The following PDZRN3 variants were observed in gnomAD, a reference collection of about 807,000 sequenced individuals.
The protein encoded by PDZRN3 is E3 ubiquitin-protein ligase PDZRN3.
A neutral mutation model predicts 85.7 loss-of-function variants in PDZRN3; 38 were observed. The ratio of observed to expected loss-of-function variants is 0.44; its 90% CI spans 0.34 to 0.58. The LOEUF is 0.58. PDZRN3 is among the 20% of genes least tolerant of loss of function. The pLI is 0.01. For missense variants in PDZRN3, 1,629 were observed against 1,506.4 expected (o/e 1.08, Z -1.35); for synonymous variants, 759 against 638.0 (o/e 1.19, Z -2.86).
intron 3 of PDZRN3, among the ~76,000 whole-genome samples, chr3:73,522,525 C>G (rs1304775539): frequency 1.3e-5 from 2 of 152,132 alleles, no homozygotes; most frequent in African/African-American, 4.8e-5. Context: ...GTAAAAGGGG[C>G]ACAATGGTAA....
chr3:73,558,410 A>G (rs927503009), intron 3 of PDZRN3, among the ~76,000 whole-genome samples: 47 of 152,174 alleles, frequency 3.1e-4, no homozygotes, highest in African/African-American at 1.1e-3. Context: ...ATCATTAACA[A>G]CTCTCCACAG....
intron 1 of PDZRN3, among the ~76,000 whole-genome samples, chr3:73,619,899 T>C (rs1054334318): frequency 2.6e-5 from 4 of 152,046 alleles, no homozygotes; most frequent in Non-Finnish European, 5.9e-5. Context: ...GAGGAAAGAG[T>C]TATGGTCCAG....
At chr3:73,467,748 C>T (rs1321074715) in intron 3 of PDZRN3, among the ~76,000 whole-genome samples, 1 of 152,152 alleles carries the variant, frequency 6.6e-6, no homozygotes, top group Admixed American at 6.5e-5. Flanking sequence ...TGGCTATTCC[C>T]TCTATTTATG....
chr3:73,605,712 T>C (rs975279787), intron 2 of PDZRN3, among the ~76,000 whole-genome samples: 6 of 152,210 alleles, frequency 3.9e-5, no homozygotes, highest in Non-Finnish European at 5.9e-5. Flanking sequence ...CCTGCCAGAT[T>C]TTCCAGGCAA....
intron 3 of PDZRN3, among the ~76,000 whole-genome samples, chr3:73,447,259 G>A (rs1425383682): frequency 1.3e-5 from 2 of 151,796 alleles, no homozygotes; most frequent in African/African-American, 2.4e-5. Context: ...CTTAGTCTGT[G>A]CAGGAAATCG....
chr3:73,416,901 T>TTTTTTTTTTTTTTTTG, intron 3 of PDZRN3, among the ~76,000 whole-genome samples: 1 of 146,418 alleles, frequency 6.8e-6, no homozygotes, highest in African/African-American at 2.5e-5. Context: ...TTTTTTTTTT[T>TTTTTTTTTTTTTTTTG]TTTTTTTTGA....
At chr3:73,608,756 T>G (rs2106905370) in intron 1 of PDZRN3, 72 bp from the exon 2 acceptor site, 1 of 905,972 alleles carries the variant, frequency 1.1e-6, no homozygotes, top group African/African-American at 1.7e-5. Context: ...TCCTTCTATC[T>G]AAGTGTACTC....
chr3:73,489,202 C>T (rs1436838724), intron 3 of PDZRN3, among the ~76,000 whole-genome samples: 1 of 152,112 alleles, frequency 6.6e-6, no homozygotes, highest in Non-Finnish European at 1.5e-5. Flanking sequence ...ATTTCCTTGC[C>T]TGAAAATGCA....
chr3:73,476,548 A>G (rs1293681636), intron 3 of PDZRN3, among the ~76,000 whole-genome samples: 1 of 152,174 alleles, frequency 6.6e-6, no homozygotes, highest in Non-Finnish European at 1.5e-5. Flanking sequence ...ATGTTCCCAC[A>G]CTGTCCCAAG....
chr3:73,399,506 T>C (rs1701707800), intron 5 of PDZRN3, among the ~76,000 whole-genome samples: 1 of 152,202 alleles, frequency 6.6e-6, no homozygotes, highest in Non-Finnish European at 1.5e-5. Context: ...CCCAAATGTA[T>C]TTCATTATGA....
Position 73,496,447 on chromosome 3 carries a change from C to T in PDZRN3, c.919-92052G>A, listed in dbSNP as rs142086818. On this transcript the variant is annotated intron_variant, in intron 3 of 9. Transcript: ENST00000263666. ...AATGATTAATCAACATTTTGCCATT[C>T]TTGTTTCATATGTCAACTCGCCATT... is the stretch of plus-strand genomic sequence containing the variant. Among the ~76,000 whole-genome samples, 1,073 of 152,042 alleles carry T rather than the reference C, an allele frequency of 7.1e-3. 8 individuals are homozygous for T. Among genetic ancestry groups the T allele is most frequent in the African/African-American group, 0.024 (1,007 of 41,466 alleles).
At chr3:73,614,526 C>T (rs1702732677) in intron 1 of PDZRN3, among the ~76,000 whole-genome samples, 1 of 152,216 alleles carries the variant, frequency 6.6e-6, no homozygotes. Flanking sequence ...GACTGGAAAG[C>T]TGCCCAGTAG....
At chr3:73,543,098 G>C (rs1057169513) in intron 3 of PDZRN3, among the ~76,000 whole-genome samples, 1 of 152,244 alleles carries the variant, frequency 6.6e-6, no homozygotes, top group African/African-American at 2.4e-5. Context: ...ATGACATCTA[G>C]AGAGAAACCC....
chr3:73,585,228 A>G (rs1487259020), intron 3 of PDZRN3, among the ~76,000 whole-genome samples: 1 of 152,184 alleles, frequency 6.6e-6, no homozygotes, highest in Non-Finnish European at 1.5e-5. Context: ...GATATTAGAA[A>G]AACAGATCAG....
chr3:73,438,574 C>T (rs1339725709), intron 3 of PDZRN3, among the ~76,000 whole-genome samples: 1 of 152,190 alleles, frequency 6.6e-6, no homozygotes, highest in Non-Finnish European at 1.5e-5. Flanking sequence ...CAATGGCATC[C>T]CTTTGTTAGG....
intron 2 of PDZRN3, among the ~76,000 whole-genome samples, chr3:73,603,000 A>G (rs1702537980): frequency 6.6e-6 from 1 of 152,210 alleles, no homozygotes; most frequent in Admixed American, 6.5e-5. Context: ...TGTATTTTAA[A>G]TTATCTTTGC....
At position 73,385,740 on chromosome 3, in the gene PDZRN3, C is replaced by T; in HGVS notation, c.1564G>A (p.Asp522Asn). Reference sequence around the variant, plus strand: ...TCCTCCAGCATGTCCATGTGCAGGTCATCCAGAAAGTCGTTCCTGTCATCA... The same window carrying T: ...TCCTCCAGCATGTCCATGTGCAGGTTATCCAGAAAGTCGTTCCTGTCATCA... ...MDDDRNDFLD[D>N]LHMDMLEEQH... Residue 522 changes from aspartate (D) to asparagine (N), a missense_variant, in exon 9 of 10, where the codon GAC becomes AAC. By Grantham distance (23) the Asp-to-Asn change is conservative (BLOSUM62 1). Coordinates refer to ENST00000263666, the MANE Select transcript of PDZRN3 (RefSeq NM_015009.3). The T allele has an allele frequency of 6.2e-7, 1 of 1,614,046 alleles. No homozygotes were observed.
rs1301308924 is a variant in PDZRN3 at position 73,624,449 on chromosome 3, A to C, written c.377T>G (p.Val126Gly). 9 of 1,347,036 alleles carry C rather than the reference A, an allele frequency of 6.7e-6. No individual in the cohort carries two copies. Among genetic ancestry groups the C allele is most frequent in the Non-Finnish European group, 7.6e-6 (8 of 1,056,922 alleles). 83.4% of individuals were successfully genotyped at this position (1,347,036 alleles called of 1,614,324 possible). The change falls in exon 1 of 10, where the codon GTG (valine) becomes GGG (glycine). Residue 126 changes from valine to glycine, a missense_variant. Transcript: ENST00000263666. ...GCAGGCGTCGCGCATGTGCGCCTCC[A>C]CGTCGCGCCGCAGCAGCACCTGGCC... ...GCGQVLLRRD[V>G]EAHMRDACDA...
intron 1 of PDZRN3, among the ~76,000 whole-genome samples, chr3:73,620,798 G>C (rs538558449): frequency 7.9e-5 from 12 of 152,090 alleles, no homozygotes; most frequent in African/African-American, 2.9e-4. Flanking sequence ...GGATGGTCTC[G>C]ATCTCCTGAT....
Sources: gnomAD v4.1 joint callset for allele counts (sites outside exome capture counted in the v4.1 genomes callset) on GRCh38, gnomAD v4.1.1 for gene constraint, MANE v1.5 for transcripts, NCBI Gene and HGNC (gene_info 2026-07-23, HGNC 2026-07-21) for gene names.